The following ASTN2 variants were observed in gnomAD, a reference collection of about 807,000 sequenced individuals.
ASTN2 encodes astrotactin 2.
In ASTN2, 54 loss-of-function variants were observed where a neutral mutation model predicts 139.8. That is an observed-to-expected ratio of 0.39 (90% confidence interval 0.31 to 0.48). ASTN2 has a LOEUF of 0.48. ASTN2 is among the 20% of genes least tolerant of loss of function. ASTN2 has a pLI of 0.95. For missense variants in ASTN2, 1,565 were observed against 1,725.1 expected (o/e 0.91, Z 1.64); for synonymous variants, 756 against 719.5 (o/e 1.05, Z -0.81).
intron 13 of ASTN2, among the ~76,000 whole-genome samples, chr9:116,802,083 CTTTTTT>C (rs796156202): frequency 0.07 from 8,548 of 121,606 alleles, 794 homozygotes; most frequent in African/African-American, 0.25. Context: ...TTCTTTCTTT[CTTTTTT>C]TTTTTTTTTT....
chr9:116,538,373 GA>G (rs1358272004), intron 19 of ASTN2, among the ~76,000 whole-genome samples: 2 of 151,612 alleles, frequency 1.3e-5, no homozygotes, highest in African/African-American at 4.8e-5. Flanking sequence ...AACAAGGAAG[GA>G]AAAGAAAGAA....
intron 21 of ASTN2, among the ~76,000 whole-genome samples, chr9:116,442,099 G>T (rs1409324243): frequency 2.0e-5 from 3 of 152,196 alleles, no homozygotes; most frequent in Non-Finnish European, 4.4e-5. Context: ...GCAACGACAA[G>T]TGGGAGAAAA....
chr9:116,479,727 T>C (rs1209509211), intron 20 of ASTN2, among the ~76,000 whole-genome samples: 4 of 152,172 alleles, frequency 2.6e-5, no homozygotes, highest in Admixed American at 2.0e-4. Flanking sequence ...ATGGTAGCCA[T>C]GTAGCTTTTG....
chr9:116,966,433 T>C (rs1338293512), intron 10 of ASTN2, among the ~76,000 whole-genome samples: 1 of 152,172 alleles, frequency 6.6e-6, no homozygotes, highest in Non-Finnish European at 1.5e-5. Context: ...TGGTGCATGC[T>C]ACAGTCTCCC....
At chr9:116,829,589 G>C (rs933221128) in intron 11 of ASTN2, among the ~76,000 whole-genome samples, 1 of 152,106 alleles carries the variant, frequency 6.6e-6, no homozygotes, top group East Asian at 1.9e-4. Context: ...TCTTCACATT[G>C]CTGGGAGCAG....
intron 5 of ASTN2, 124 bp from the exon 6 acceptor site, chr9:117,040,089 A>G (rs1838511281): frequency 3.3e-6 from 4 of 1,203,970 alleles, no homozygotes; most frequent in East Asian, 2.6e-5. Flanking sequence ...AAAAGAAAAA[A>G]GACATGTTTT....
chr9:117,233,452 A>T (rs1588115972), intron 2 of ASTN2, among the ~76,000 whole-genome samples: 1 of 152,184 alleles, frequency 6.6e-6, no homozygotes, highest in African/African-American at 2.4e-5. Context: ...CAATGAAATG[A>T]TGCACATGAA....
chr9:116,716,743 A>G (rs1389876967), intron 16 of ASTN2, among the ~76,000 whole-genome samples: 1 of 152,158 alleles, frequency 6.6e-6, no homozygotes, highest in Non-Finnish European at 1.5e-5. Context: ...CTGACTTTGT[A>G]AGGTTTGACT....
intron 19 of ASTN2, among the ~76,000 whole-genome samples, chr9:116,488,991 C>T (rs994564608): frequency 3.3e-5 from 5 of 151,926 alleles, no homozygotes; most frequent in East Asian, 3.9e-4. Flanking sequence ...ATTTTTATAC[C>T]GCACAGTATA....
intron 16 of ASTN2, among the ~76,000 whole-genome samples, chr9:116,690,497 TA>T (rs2132049658): frequency 1.3e-5 from 2 of 152,332 alleles, no homozygotes; most frequent in South Asian, 4.1e-4. Context: ...ATAAGGCCCT[TA>T]AAGTAGATCA....
chr9:116,760,821 C>A (rs1028776494), intron 13 of ASTN2, among the ~76,000 whole-genome samples: 11 of 152,078 alleles, frequency 7.2e-5, no homozygotes, highest in Non-Finnish European at 1.5e-4. Context: ...ATCTGCACTT[C>A]CTTCCCCGCC....
At chr9:117,362,232 C>A (rs983171023) in intron 1 of ASTN2, among the ~76,000 whole-genome samples, 1 of 152,140 alleles carries the variant, frequency 6.6e-6, no homozygotes, top group African/African-American at 2.4e-5. Flanking sequence ...CCTTGGCCTC[C>A]CAAAGTGCTG....
chr9:117,306,180 T>C (rs1475035367), intron 1 of ASTN2, among the ~76,000 whole-genome samples: 1 of 152,204 alleles, frequency 6.6e-6, no homozygotes, highest in African/African-American at 2.4e-5. Context: ...GTTCTTTCCA[T>C]TTCCAGAATC....
chr9:117,195,869 G>T (rs1186722251), intron 3 of ASTN2, among the ~76,000 whole-genome samples: 1 of 152,094 alleles, frequency 6.6e-6, no homozygotes, highest in East Asian at 1.9e-4. Flanking sequence ...CAAACAATAG[G>T]ATCTCCCTGC....
chr9:116,913,742 G>A (rs1834374523), intron 10 of ASTN2, among the ~76,000 whole-genome samples: 1 of 152,070 alleles, frequency 6.6e-6, no homozygotes, highest in African/African-American at 2.4e-5. Context: ...GAACAGATGG[G>A]AGAGACGCAG....
At chr9:116,490,272 TAAAAAAAAAAAA>T (rs140391473) in intron 19 of ASTN2, among the ~76,000 whole-genome samples, 10 of 37,908 alleles carry the variant, frequency 2.6e-4, no homozygotes, top group East Asian at 2.7e-3. Context: ...TGATAAAAAG[TAAAAAAAAAAAA>T]AAAAAAAAAA....
At chr9:117,180,807 T>C in intron 3 of ASTN2, 2 of 1,543,678 alleles carry the variant, frequency 1.3e-6, no homozygotes, top group Admixed American at 1.7e-5. Flanking sequence ...TGTCTTCAAA[T>C]TCATCAACAT....
chr9:117,246,157 C>T (rs188529731), intron 2 of ASTN2, among the ~76,000 whole-genome samples: 5 of 152,182 alleles, frequency 3.3e-5, no homozygotes, highest in Admixed American at 1.3e-4. Context: ...AAAAAAAAGC[C>T]TTGCAAACCT....
intron 10 of ASTN2, among the ~76,000 whole-genome samples, chr9:116,872,201 T>C (rs544706173): frequency 3.9e-4 from 59 of 152,174 alleles, no homozygotes; most frequent in Non-Finnish European, 5.0e-4. Flanking sequence ...TGACCTCAGG[T>C]AATCCAGAGA....
Sources: allele counts gnomAD v4.1 joint callset (sites outside exome capture counted in the v4.1 genomes callset), GRCh38; gene constraint gnomAD v4.1.1; transcripts MANE v1.5; gene names NCBI Gene and HGNC (gene_info 2026-07-23, HGNC 2026-07-21).